CORO2A: variants seen among roughly 807,000 people sequenced by gnomAD.
CORO2A encodes the protein coronin-2A.
CORO2A carries 47 observed loss-of-function variants against 62.4 expected under a neutral mutation model. The observed-to-expected ratio is 0.75, with a 90% CI of 0.60 to 0.96. CORO2A has a LOEUF of 0.96. Among genes scored for constraint, CORO2A ranks in the 40% least tolerant of loss-of-function variants. The probability of loss-of-function intolerance (pLI) is 0.00; values close to 1 mark genes in which losing one functional copy is unlikely to be tolerated. For missense variants in CORO2A, 610 were observed against 684.1 expected (o/e 0.89, Z 1.21); for synonymous variants, 273 against 268.9 (o/e 1.02, Z -0.15).
chr9:98,191,713 C>T (rs1828307615), intron 1 of CORO2A, among the ~76,000 whole-genome samples: 1 of 152,202 alleles, frequency 6.6e-6, no homozygotes, highest in African/African-American at 2.4e-5. Context: ...CAGACCTGTG[C>T]TCTGCCCCAT....
At chr9:98,144,300 C>T (rs1220074564) in intron 2 of CORO2A, among the ~76,000 whole-genome samples, 1 of 152,170 alleles carries the variant, frequency 6.6e-6, no homozygotes, top group African/African-American at 2.4e-5. Context: ...ACCTCCCAAC[C>T]ACCCCAGGAC....
In CORO2A at chr9:98,134,925, G is replaced by C. The variant is rs1308133471; in HGVS notation, c.349C>G (p.Leu117Val). 1 of 1,614,172 alleles carries C rather than the reference G, an allele frequency of 6.2e-7. No homozygotes were observed. Among genetic ancestry groups the C allele is most frequent in the African/African-American group, 1.3e-5 (1 of 75,054 alleles). ...IKIWSIPKQL[L>V]TRNLTAYRKE... Reference sequence around the variant, plus strand: ...CTGTAGGCCGTGAGGTTCCTGGTCAGCAGCTGCTTGGGGATGCTCCAGATC... The same window carrying C: ...CTGTAGGCCGTGAGGTTCCTGGTCACCAGCTGCTTGGGGATGCTCCAGATC... Residue 117 changes from leucine to valine, a missense_variant, in exon 4 of 12, where the codon CTG becomes GTG. Leu to Val is a conservative substitution (Grantham distance 32). Transcript: ENST00000375077.
At position 98,128,682 on chromosome 9, in the gene CORO2A, G is replaced by GC; in HGVS notation, c.1004dup (p.Cys335TrpfsTer64). On this transcript the variant is annotated frameshift_variant, in exon 9 of 12. Transcript: ENST00000375077. LOFTEE classifies it high-confidence loss of function. ...TCAGCTTGTAGAAGCGGAAGATCTC[G>GC]CAGGAGGACACGTCGAGTCCTCTCT... is the stretch of plus-strand genomic sequence containing the variant. 1.2e-6 allele frequency: 2 copies of GC among 1,614,160 alleles called. No homozygotes were observed. Among genetic ancestry groups the GC allele is most frequent in the Non-Finnish European group, 1.7e-6 (2 of 1,180,032 alleles).
At chr9:98,138,418 A>AG (rs1178943864) in intron 2 of CORO2A, among the ~76,000 whole-genome samples, 2 of 152,122 alleles carry the variant, frequency 1.3e-5, no homozygotes, top group Non-Finnish European at 2.9e-5. Context: ...TCTCAAAAAA[A>AG]AAAAAAAAGA....
chr9:98,139,925 GT>G (rs1339144327), intron 2 of CORO2A, among the ~76,000 whole-genome samples: 1 of 152,088 alleles, frequency 6.6e-6, no homozygotes, highest in African/African-American at 2.4e-5. Context: ...GGACATACAG[GT>G]CCCCCAGCCC....
intron 10 of CORO2A, among the ~76,000 whole-genome samples, chr9:98,127,199 G>C (rs1180168765): frequency 6.6e-6 from 1 of 152,220 alleles, no homozygotes; most frequent in Non-Finnish European, 1.5e-5. Context: ...AAGCAGGGGA[G>C]GCTGGCATCA....
intron 8 of CORO2A, among the ~76,000 whole-genome samples, chr9:98,129,379 T>TC (rs1182516626): frequency 6.6e-6 from 1 of 152,242 alleles, no homozygotes; most frequent in Admixed American, 6.5e-5. Context: ...AAAGTGGGTT[T>TC]CTTGTAGATT....
At chr9:98,170,738 T>TA (rs1479622380) in intron 1 of CORO2A, among the ~76,000 whole-genome samples, 14 of 152,190 alleles carry the variant, frequency 9.2e-5, no homozygotes, top group Non-Finnish European at 1.6e-4. Flanking sequence ...CCACTGAGCC[T>TA]GGCCGAGAAT....
intron 2 of CORO2A, among the ~76,000 whole-genome samples, chr9:98,147,728 T>C (rs1413686049): frequency 2.0e-5 from 3 of 152,230 alleles, no homozygotes. Context: ...CAGTTTCTTA[T>C]AAGGCTAAAC....
intron 2 of CORO2A, among the ~76,000 whole-genome samples, chr9:98,140,325 G>A (rs746983577): frequency 9.2e-5 from 14 of 152,168 alleles, no homozygotes; most frequent in South Asian, 2.1e-4. Flanking sequence ...TGACTTTGCA[G>A]AATCAATAGT....
intron 1 of CORO2A, among the ~76,000 whole-genome samples, chr9:98,181,334 CTTTTTTT>C (rs575456152): frequency 4.5e-5 from 5 of 112,200 alleles, no homozygotes; most frequent in Non-Finnish European, 7.0e-5. Flanking sequence ...CTCTCTCTTG[CTTTTTTT>C]TTTTTTTTTT....
intron 5 of CORO2A, among the ~76,000 whole-genome samples, chr9:98,132,787 C>T (rs2118809288): frequency 6.6e-6 from 1 of 152,314 alleles, no homozygotes; most frequent in South Asian, 2.1e-4. Context: ...TGGAGTCAGA[C>T]CAGGTTCAGA....
In CORO2A at chr9:98,133,071, C is replaced by A; in HGVS notation, c.615G>T (p.Arg205=). The A allele has an allele frequency of 5.6e-6, 9 of 1,614,224 alleles. No individual in the cohort carries two copies. Among genetic ancestry groups the A allele is most frequent in the Non-Finnish European group, 7.6e-6 (9 of 1,180,042 alleles). ...LATTCKDRKI[R]VIDPRAGTVL... ...CGGTCCCTGCTCGGGGGTCAATAACCCGAATCTTGCGGTCTTTGCAGGTGG... is the reference window on the plus strand; with the variant it reads ...CGGTCCCTGCTCGGGGGTCAATAACACGAATCTTGCGGTCTTTGCAGGTGG... The change falls in exon 5 of 12, where the codon CGG becomes CGT. Residue 205 remains arginine (R), a synonymous_variant. Transcript: ENST00000375077.
chr9:98,131,249 C>G (rs1827404342), intron 6 of CORO2A, among the ~76,000 whole-genome samples, 190 bp from the exon 7 acceptor site: 1 of 151,986 alleles, frequency 6.6e-6, no homozygotes, highest in Non-Finnish European at 1.5e-5. Flanking sequence ...GTGTGGGCTA[C>G]TCTCTAGTGG....
chr9:98,181,308 C>T (rs1828173831), intron 1 of CORO2A, among the ~76,000 whole-genome samples: 1 of 150,410 alleles, frequency 6.6e-6, no homozygotes, highest in African/African-American at 2.4e-5. Context: ...CCTCCTGTCC[C>T]ACCTTCAAAT....
intron 1 of CORO2A, among the ~76,000 whole-genome samples, chr9:98,187,544 G>A (rs1352878662): frequency 6.6e-6 from 1 of 151,964 alleles, no homozygotes; most frequent in Non-Finnish European, 1.5e-5. Flanking sequence ...CCAAGACTAA[G>A]ACAGCAGATT....
chr9:98,129,752 G>A (rs1827377957), intron 8 of CORO2A, 42 bp downstream of exon 8: 1 of 1,495,248 alleles, frequency 6.7e-7, no homozygotes, highest in South Asian at 1.1e-5. Flanking sequence ...GCCTCCCGAA[G>A]TGCTGGGATT....
At chr9:98,187,079 G>A (rs10818586) in intron 1 of CORO2A, among the ~76,000 whole-genome samples, 88,067 of 151,660 alleles carry the variant, frequency 0.58, 27,243 homozygotes, top group African/African-American at 0.82. Context: ...GGAGATTGAG[G>A]CCATCCTGGC....
intron 2 of CORO2A, among the ~76,000 whole-genome samples, chr9:98,138,111 A>C (rs1827513499): frequency 6.6e-6 from 1 of 152,190 alleles, no homozygotes; most frequent in South Asian, 2.1e-4. Context: ...TCCTAGGTCT[A>C]TCTCCATGGA....
Sources: gnomAD v4.1 joint callset for allele counts (sites outside exome capture counted in the v4.1 genomes callset) on GRCh38, gnomAD v4.1.1 for gene constraint, MANE v1.5 for transcripts, NCBI Gene and HGNC (gene_info 2026-07-23, HGNC 2026-07-21) for gene names.